HMX1: variants seen among roughly 807,000 people sequenced by gnomAD.
The protein encoded by HMX1 is H6 family homeobox 1, also known as homeobox protein HMX1.
HMX1 carries 8 observed loss-of-function variants against 8.9 expected under a neutral mutation model. The observed-to-expected ratio is 0.90, with a 90% CI of 0.53 to 1.63. The LOEUF (loss-of-function observed/expected upper bound fraction) is 1.63. Ranked by LOEUF, HMX1 falls within the 40% of genes most tolerant of loss-of-function variation. The pLI, the probability that HMX1 is intolerant of heterozygous loss-of-function variation, is 0.00. For synonymous variants in HMX1, 311 were observed against 283.4 expected (o/e 1.10, Z -0.98); for missense variants, 621 against 558.5 (o/e 1.11, Z -1.13).
chr4:8,867,314 A>C lies in HMX1; in HGVS notation c.*379T>G, dbSNP rs553037557. 1.0e-6 allele frequency: 1 copy of C among 992,904 alleles called. No homozygotes were observed. The highest frequency in any genetic ancestry group is 1.1e-4 in the East Asian group (1 of 9,208). 61.5% of individuals were successfully genotyped at this position (992,904 alleles called of 1,614,324 possible). Reference sequence around the variant, plus strand: ...GGGGACAGTCACCGCTCAGCCTTGGACAGCCGGTTCGTAGTTTTCCTTTGT... The same window carrying C: ...GGGGACAGTCACCGCTCAGCCTTGGCCAGCCGGTTCGTAGTTTTCCTTTGT... On this transcript the variant is annotated 3_prime_UTR_variant, in exon 2 of 2. Transcript: ENST00000400677.
downstream of HMX1, among the ~76,000 whole-genome samples, chr4:8,864,456 G>A (rs572792013): frequency 1.3e-5 from 2 of 152,186 alleles, no homozygotes; most frequent in Non-Finnish European, 2.9e-5. Context: ...GGTGCATGGC[G>A]CATGTGGTGG....
intron 1 of HMX1, among the ~76,000 whole-genome samples, chr4:8,851,664 G>A (rs919085421): frequency 1.3e-5 from 2 of 152,210 alleles, no homozygotes; most frequent in Non-Finnish European, 2.9e-5. Context: ...ACCCACGGTC[G>A]TCTCAGGCAT....
chr4:8,864,633 C>T (rs1287728067), downstream of HMX1, among the ~76,000 whole-genome samples: 2 of 152,222 alleles, frequency 1.3e-5, no homozygotes, highest in Admixed American at 6.5e-5. Flanking sequence ...GTTCCAGGTC[C>T]TACACTGCTT....
At position 8,871,651 on chromosome 4, in the gene HMX1, C is replaced by G. The variant is rs576169252; in HGVS notation, c.-37G>C. ...GCTTCTCGGGCTCGGCCGGGCTCCT[C>G]GGTCCCCGCTGGGGATGGTGGCGCG... On this transcript the variant is annotated 5_prime_UTR_variant, in exon 1 of 2. Transcript: ENST00000400677. The surrounding 1 kb of genome is among the most constrained non-coding windows in gnomAD (Gnocchi z 4.8). 3.3e-6 allele frequency: 4 copies of G among 1,214,354 alleles called. No homozygotes were observed. The highest frequency in any genetic ancestry group is 9.2e-5 in the Admixed American group (2 of 21,824). 75.2% of individuals were successfully genotyped at this position (1,214,354 alleles called of 1,614,324 possible). A position where few individuals can be genotyped will look rare whatever the true frequency, so the allele number is the denominator to read the frequency against.
At chr4:8,863,126 G>A (rs986223902), downstream of HMX1, among the ~76,000 whole-genome samples, 1 of 152,174 alleles carries the variant, frequency 6.6e-6, no homozygotes, top group Non-Finnish European at 1.5e-5. Flanking sequence ...GTGGCCGAAG[G>A]GTATGAAGCA....
intron 1 of HMX1, among the ~76,000 whole-genome samples, chr4:8,860,125 T>A (rs1487345729): frequency 6.6e-6 from 1 of 152,252 alleles, no homozygotes; most frequent in East Asian, 1.9e-4. Flanking sequence ...AGCAGGGCCC[T>A]GGTGCCTGGA....
Position 8,846,882 on chromosome 4 carries a change from CT to C in HMX1, c.395-559del, listed in dbSNP as rs1414135832. ...CCTCTGAAAATAATTGGCCCTTCCC[CT>C]GATCTCCAGCATGTTGTTGTTTTAG... On this transcript the variant is annotated intron_variant, in intron 1 of 1. Transcript: ENST00000506970. 1.6e-4 allele frequency among the ~76,000 whole-genome samples: 24 copies of C among 152,234 alleles called. 1 individual carries two copies. The highest frequency in any genetic ancestry group is 3.9e-4 in the African/African-American group (16 of 41,468).
At chr4:8,854,256 GC>G (rs1337990039) in intron 1 of HMX1, among the ~76,000 whole-genome samples, 1 of 152,234 alleles carries the variant, frequency 6.6e-6, no homozygotes, top group Non-Finnish European at 1.5e-5. Flanking sequence ...TAACAGCTGT[GC>G]TGAGGGCTGG....
At position 8,847,381 on chromosome 4, in the gene HMX1, G is replaced by C. The variant is rs1481676888; in HGVS notation, c.395-1057C>G. On this transcript the variant is annotated intron_variant, in intron 1 of 1. Coordinates refer to the HMX1 transcript ENST00000506970. The surrounding 1 kb of genome is among the most constrained non-coding windows in gnomAD (Gnocchi z 6.0). ...TCCTGGTTCACACCAGGAGGAGCAA[G>C]ATGTTTCTGGGAACGTGGTTTGAGA... Among the ~76,000 whole-genome samples, 1 of 152,242 alleles carries C rather than the reference G, an allele frequency of 6.6e-6. No homozygotes were observed. Among genetic ancestry groups the C allele is most frequent in the Non-Finnish European group, 1.5e-5 (1 of 68,048 alleles).
rs1471177398 is a variant in HMX1 at position 8,868,276 on chromosome 4, G to A, written c.464C>T (p.Pro155Leu). ...CTCCCGCTGCACCGCTCCCGGCCCG[G>A]GGCCTCGCGGCCAGGCGCCCTCCGC... is the stretch of plus-strand genomic sequence containing the variant. ...GRAEGAWPRG[P>L]GPGAVQREAA... The change falls in exon 2 of 2, where the codon CCC becomes CTC. Residue 155 changes from proline to leucine, a missense_variant. Physicochemically the swap from Pro to Leu is moderately conservative, Grantham distance 98 (BLOSUM62 -3). Transcript: ENST00000400677. This position sits in a 1 kb window ranked among gnomAD's most constrained non-coding sequence, Gnocchi z 4.6. 1 of 1,440,384 alleles carries A rather than the reference G, an allele frequency of 6.9e-7. No homozygotes were observed. Among genetic ancestry groups the A allele is most frequent in the Non-Finnish European group, 9.1e-7 (1 of 1,102,918 alleles). The allele number at this position is 1,440,384 out of a possible 1,614,324, so 89.2% of individuals were successfully genotyped here. A position where few individuals can be genotyped will look rare whatever the true frequency, so the allele number is the denominator to read the frequency against.
chr4:8,863,459 C>T (rs2109467605), downstream of HMX1, among the ~76,000 whole-genome samples: 1 of 152,366 alleles, frequency 6.6e-6, no homozygotes, highest in East Asian at 1.9e-4. Flanking sequence ...GGAGTGGGCT[C>T]AGAGCCAAGG....
chr4:8,862,750 A>G (rs1037858805), downstream of HMX1, among the ~76,000 whole-genome samples: 1 of 152,198 alleles, frequency 6.6e-6, no homozygotes, highest in African/African-American at 2.4e-5. Context: ...TACTTTTGTA[A>G]TAAAAAATAA....
rs937567735 is a variant in HMX1 at position 8,847,013 on chromosome 4, G to A, written c.395-689C>T. ...TGTGTGCAAAAGTGACATGGGACAC[G>A]GAAATGACTATGACTCAGCTCCTGT... On this transcript the variant is annotated intron_variant, in intron 1 of 1. Transcript: ENST00000506970. The surrounding 1 kb of genome is among the most constrained non-coding windows in gnomAD (Gnocchi z 6.0). 4.6e-5 allele frequency among the ~76,000 whole-genome samples: 7 copies of A among 152,228 alleles called. No homozygotes were observed. Among genetic ancestry groups the A allele is most frequent in the African/African-American group, 1.4e-4 (6 of 41,458 alleles).
rs1722065683 is a variant in HMX1, at chr4:8,867,907, C to G, written c.833G>C (p.Arg278Pro). Reference sequence around the variant, plus strand: ...GTAGAGCACCGGCACGCGGACCAGGCGCTGCGCTCCCGGCGGGGACAGGCT... The same window carrying G: ...GTAGAGCACCGGCACGCGGACCAGGGGCTGCGCTCCCGGCGGGGACAGGCT... ...AASLSPPGAQ[R>P]LVRVPVLYHE... The change falls in exon 2 of 2, where the codon CGC (arginine) becomes CCC (proline). Residue 278 changes from arginine (R) to proline (P), a missense_variant. Physicochemically the swap from Arg to Pro is moderately radical, Grantham distance 103. Coordinates refer to ENST00000400677, the MANE Select transcript of HMX1 (RefSeq NM_018942.3). The G allele has an allele frequency of 2.1e-6, 3 of 1,418,748 alleles. No homozygotes were observed. Among genetic ancestry groups the G allele is most frequent in the Non-Finnish European group, 2.8e-6 (3 of 1,085,018 alleles). 87.9% of individuals were successfully genotyped at this position (1,418,748 alleles called of 1,614,324 possible). A position where few individuals can be genotyped will look rare whatever the true frequency, so the allele number is the denominator to read the frequency against.
rs1006386011 is a variant in HMX1 at position 8,868,275 on chromosome 4, G to T, written c.465C>A (p.Pro155=). The T allele has an allele frequency of 7.0e-7, 1 of 1,437,868 alleles. No individual in the cohort carries two copies. Among genetic ancestry groups the T allele is most frequent in the Non-Finnish European group, 9.1e-7 (1 of 1,101,430 alleles). 89.1% of individuals were successfully genotyped at this position (1,437,868 alleles called of 1,614,324 possible). ...CCTCCCGCTGCACCGCTCCCGGCCC[G>T]GGGCCTCGCGGCCAGGCGCCCTCCG... ...GRAEGAWPRG[P]GPGAVQREAA... is the part of the protein sequence containing the mutation. The change falls in exon 2 of 2, where the codon CCC becomes CCA. Residue 155 remains proline, a synonymous_variant. Transcript: ENST00000400677. This position sits in a 1 kb window ranked among gnomAD's most constrained non-coding sequence, Gnocchi z 4.6.
downstream of HMX1, among the ~76,000 whole-genome samples, chr4:8,863,264 T>G (rs1721890336): frequency 6.6e-6 from 1 of 152,172 alleles, no homozygotes; most frequent in South Asian, 2.1e-4. Flanking sequence ...TTCCTGCCCC[T>G]CTCAGAACCC....
In HMX1 at chr4:8,847,889, C is replaced by A. The variant is rs1221471573; in HGVS notation, c.395-1565G>T. The stretch of plus-strand genomic sequence containing the variant: ...CTCTGGAGAGGACCTGAGCTGAGAG[C>A]CAGTGGATTAAGTTGAACTGGAATC... On this transcript the variant is annotated intron_variant, in intron 1 of 1. Transcript: ENST00000506970. This position sits in a 1 kb window ranked among gnomAD's most constrained non-coding sequence, Gnocchi z 6.0. Among the ~76,000 whole-genome samples, 1 of 152,108 alleles carries A rather than the reference C, an allele frequency of 6.6e-6. No individual in the cohort carries two copies.
intron 1 of HMX1, among the ~76,000 whole-genome samples, chr4:8,861,595 C>T (rs955074539): frequency 6.6e-6 from 1 of 152,150 alleles, no homozygotes; most frequent in African/African-American, 2.4e-5. Flanking sequence ...GACCGCGGAG[C>T]AGCGTAGGCG....
Position 8,848,121 on chromosome 4 carries a change from G to A in HMX1, c.395-1797C>T, listed in dbSNP as rs1419743507. On this transcript the variant is annotated intron_variant, in intron 1 of 1. Coordinates refer to the HMX1 transcript ENST00000506970. The surrounding 1 kb of genome is among the most constrained non-coding windows in gnomAD (Gnocchi z 4.1). ...TTTTTCAACTGTAAATCTTATGATA[G>A]CTAAATTCAGATCAAGTATTTCCAA... Among the ~76,000 whole-genome samples the A allele has an allele frequency of 6.6e-6, 1 of 152,194 alleles. No individual in the cohort carries two copies. The highest frequency in any genetic ancestry group is 1.5e-5 in the Non-Finnish European group (1 of 68,036).
Sources: gnomAD v4.1 joint callset for allele counts (sites outside exome capture counted in the v4.1 genomes callset) on GRCh38, gnomAD v4.1.1 for gene constraint, Gnocchi (gnomAD v3.1) non-coding constraint, MANE v1.5 for transcripts, NCBI Gene and HGNC (gene_info 2026-07-23, HGNC 2026-07-21) for gene names.